Variants in SHQ1 observed in about 807,000 individuals in gnomAD.
The protein encoded by SHQ1 is protein SHQ1 homolog.
Under a neutral mutation model 53.8 loss-of-function variants are expected in SHQ1, and 49 were observed. The observed-to-expected ratio is 0.91, with a 90% confidence interval of 0.72 to 1.16. The LOEUF (loss-of-function observed/expected upper bound fraction) is 1.16, where lower values mean the gene tolerates loss of function less well. Among genes scored for constraint, SHQ1 ranks in the 50% most tolerant of loss-of-function variants. SHQ1 has a pLI of 0.00. For synonymous variants in SHQ1, 243 were observed against 251.0 expected (o/e 0.97, Z 0.30); for missense variants, 738 against 683.1 (o/e 1.08, Z -0.90).
rs1491509394 is a variant in SHQ1, at chr3:72,763,063, A to ACT, written c.1182-12228_1182-12227insAG. 4.2e-3 allele frequency among the ~76,000 whole-genome samples: 372 copies of ACT among 88,050 alleles called. 3 individuals carry two copies. The highest frequency in any genetic ancestry group is 0.014 in the African/African-American group (341 of 24,734). 57.8% of individuals were successfully genotyped at this position (88,050 alleles called of 152,430 possible). On this transcript the variant is annotated intron_variant, in intron 10 of 10. Coordinates refer to ENST00000325599, the MANE Select transcript of SHQ1 (RefSeq NM_018130.3). ...CACACACACACACACACACACACAC[A>ACT]GAGAGAGAGAGAGAGAGAGAGAGAA...
chr3:72,783,246 G>C (rs532315311), intron 10 of SHQ1, among the ~76,000 whole-genome samples: 12 of 151,910 alleles, frequency 7.9e-5, no homozygotes, highest in African/African-American at 2.9e-4. Flanking sequence ...TATTTTCCAC[G>C]CTTATTCACC....
At chr3:72,835,227 C>T (rs1297725941) in intron 4 of SHQ1, among the ~76,000 whole-genome samples, 1 of 151,354 alleles carries the variant, frequency 6.6e-6, no homozygotes, top group Non-Finnish European at 1.5e-5. Flanking sequence ...TGGGGAGAAG[C>T]ACAAGGACAT....
chr3:72,732,401 C>CCTTT, the SHQ1 span, among the ~76,000 whole-genome samples: 1 of 139,514 alleles, frequency 7.2e-6, no homozygotes, highest in Admixed American at 7.3e-5. Context: ...TTCCTTCCTT[C>CCTTT]CTTCCTTCCT....
At chr3:72,832,622 A>C in intron 4 of SHQ1, 141 bp from the exon 5 acceptor site, 1 of 608,798 alleles carries the variant, frequency 1.6e-6, no homozygotes, top group Non-Finnish European at 2.9e-6. Flanking sequence ...ATTTAGATTC[A>C]AATCCAACAA....
rs1218332258 is a variant in SHQ1, at chr3:72,749,664, T to C, written c.*620A>G. 14 of 215,322 alleles carry C rather than the reference T, an allele frequency of 6.5e-5. No homozygotes were observed. In the East Asian group the frequency reaches 9.6e-4, roughly 15 times the overall value. The allele number at this position is 215,322 out of a possible 1,614,324, so 13.3% of individuals were successfully genotyped here. On this transcript the variant is annotated 3_prime_UTR_variant, in exon 11 of 11. Coordinates refer to ENST00000325599, the MANE Select transcript of SHQ1 (RefSeq NM_018130.3). Reference sequence around the variant, plus strand: ...TTTGATACGTGCAGTTTATTGGGTGTCAAGTACACCTCCTAAAATAAAAAT... The same window carrying C: ...TTTGATACGTGCAGTTTATTGGGTGCCAAGTACACCTCCTAAAATAAAAAT...
At chr3:72,777,603 G>A (rs1416799787) in intron 10 of SHQ1, among the ~76,000 whole-genome samples, 1 of 152,210 alleles carries the variant, frequency 6.6e-6, no homozygotes, top group East Asian at 1.9e-4. Flanking sequence ...TAAAGTATAA[G>A]TTGAAATAAA....
At chr3:72,757,381 CTTTTTT>C (rs779724149) in intron 10 of SHQ1, among the ~76,000 whole-genome samples, 1 of 134,940 alleles carries the variant, frequency 7.4e-6, no homozygotes, top group Non-Finnish European at 1.6e-5. Context: ...CTTCTCTTTC[CTTTTTT>C]TTTTTTTTTT....
chr3:72,760,959 G>A (rs1208572756), intron 10 of SHQ1, among the ~76,000 whole-genome samples: 3 of 152,100 alleles, frequency 2.0e-5, no homozygotes, highest in Admixed American at 6.6e-5. Context: ...AAAGCCAATT[G>A]TAGGTTTCTT....
intron 10 of SHQ1, among the ~76,000 whole-genome samples, chr3:72,768,177 G>T (rs1393641801): frequency 1.3e-5 from 2 of 152,192 alleles, no homozygotes; most frequent in African/African-American, 4.8e-5. Flanking sequence ...AAAAACAGAA[G>T]AAATCAGCAG....
rs1708266762 is a variant in SHQ1 at position 72,844,348 on chromosome 3, A to G, written c.208+11T>C. 1 of 1,610,028 alleles carries G rather than the reference A, an allele frequency of 6.2e-7. No individual in the cohort carries two copies. Among genetic ancestry groups the G allele is most frequent in the South Asian group, 1.1e-5 (1 of 90,326 alleles). ...CAAGAAATAAACTAACAAAAATTCC[A>G]AAGACAATACCTTTATCTGCATCAT... On this transcript the variant is annotated intron_variant, in intron 2 of 10. Coordinates refer to ENST00000325599, the MANE Select transcript of SHQ1 (RefSeq NM_018130.3).
chr3:72,830,492 TAAC>T (rs1408269537), intron 5 of SHQ1, among the ~76,000 whole-genome samples: 5 of 151,676 alleles, frequency 3.3e-5, no homozygotes, highest in African/African-American at 4.8e-5. Flanking sequence ...TTTTAACCAC[TAAC>T]AACAAGAAAA....
At chr3:72,842,516 C>T in intron 2 of SHQ1, 114 bp from the exon 3 acceptor site, 1 of 914,440 alleles carries the variant, frequency 1.1e-6, no homozygotes, top group Non-Finnish European at 1.6e-6. Context: ...ATCATTTTAG[C>T]CCAGGAGTTC....
chr3:72,758,943 C>A (rs887868108), intron 10 of SHQ1, among the ~76,000 whole-genome samples: 11 of 152,170 alleles, frequency 7.2e-5, no homozygotes, highest in Admixed American at 5.9e-4. Flanking sequence ...CTTCCATGCC[C>A]TTCTCTTAGC....
At chr3:72,759,099 T>C (rs1021374624) in intron 10 of SHQ1, among the ~76,000 whole-genome samples, 5 of 152,220 alleles carry the variant, frequency 3.3e-5, no homozygotes, top group African/African-American at 4.8e-5. Context: ...GTGTCTCTTC[T>C]TTTCTTATGA....
intron 9 of SHQ1, among the ~76,000 whole-genome samples, chr3:72,798,324 C>G (rs942947546): frequency 6.6e-6 from 1 of 152,154 alleles, no homozygotes; most frequent in Non-Finnish European, 1.5e-5. Context: ...CTGAGTAAGC[C>G]AACCCTATCC....
chr3:72,824,243 A>T (rs1265463692), intron 6 of SHQ1, among the ~76,000 whole-genome samples, 181 bp downstream of exon 6: 1 of 152,208 alleles, frequency 6.6e-6, no homozygotes, highest in Non-Finnish European at 1.5e-5. Context: ...AATAAGCCTA[A>T]TTATTTAGCG....
chr3:72,829,556 T>C (rs1345951108), intron 5 of SHQ1, among the ~76,000 whole-genome samples: 2 of 152,262 alleles, frequency 1.3e-5, no homozygotes, highest in Non-Finnish European at 2.9e-5. Flanking sequence ...CTAATGCTTT[T>C]TCTCAAGTTC....
intron 9 of SHQ1, among the ~76,000 whole-genome samples, chr3:72,811,356 A>G (rs1242973822): frequency 6.6e-6 from 1 of 152,208 alleles, no homozygotes; most frequent in Non-Finnish European, 1.5e-5. Context: ...GTGACGTGTA[A>G]CTGAGGCTCA....
At chr3:72,791,045 A>G (rs954412712) in intron 10 of SHQ1, among the ~76,000 whole-genome samples, 10 of 152,306 alleles carry the variant, frequency 6.6e-5, no homozygotes, top group African/African-American at 2.2e-4. Context: ...TTGGCAGCCT[A>G]TATCTTTCTT....
Sources: gnomAD v4.1 joint callset for allele counts (sites outside exome capture counted in the v4.1 genomes callset) on GRCh38, gnomAD v4.1.1 for gene constraint, MANE v1.5 for transcripts, NCBI Gene and HGNC (gene_info 2026-07-23, HGNC 2026-07-21) for gene names.